Variants in COL24A1 observed in about 807,000 individuals in gnomAD.
The protein encoded by COL24A1 is collagen type XXIV alpha 1 chain.
A neutral mutation model predicts 253.9 loss-of-function variants in COL24A1; 224 were observed. That is an observed-to-expected ratio of 0.88 (90% CI 0.79 to 0.99). COL24A1 has a LOEUF of 0.99. Ranked by LOEUF, COL24A1 falls within the 50% of genes least tolerant of loss-of-function variation. The pLI is 0.00. For synonymous variants in COL24A1, 685 were observed against 673.7 expected (o/e 1.02, Z -0.26); for missense variants, 2,131 against 2,068.5 (o/e 1.03, Z -0.59).
rs192720059 is a variant in COL24A1, at chr1:86,004,177, G to A, written c.2310+12974C>T. ...CCACGAAGAAGGCAACCAGCTACTC[G>A]GTGGCAAATTTCTTACATTGGGCAC... On this transcript the variant is annotated intron_variant, in intron 19 of 59. Transcript: ENST00000370571. 3.5e-4 allele frequency among the ~76,000 whole-genome samples: 53 copies of A among 152,280 alleles called. No homozygotes were observed. In the East Asian group the frequency reaches 7.1e-3, roughly 20 times the overall value.
At chr1:85,905,520 GCTCT>G (rs149844970) in intron 28 of COL24A1, among the ~76,000 whole-genome samples, 37 of 150,150 alleles carry the variant, frequency 2.5e-4, no homozygotes, top group Admixed American at 1.1e-3. Flanking sequence ...AGTAAAGAAG[GCTCT>G]CTCTCTCTCT....
intron 20 of COL24A1, among the ~76,000 whole-genome samples, chr1:85,974,697 T>C (rs1692492745): frequency 6.6e-6 from 1 of 152,150 alleles, no homozygotes; most frequent in Non-Finnish European, 1.5e-5. Flanking sequence ...GGGTTTGTTT[T>C]ATCATCATTG....
intron 28 of COL24A1, among the ~76,000 whole-genome samples, chr1:85,903,791 T>C (rs1684548028): frequency 6.6e-6 from 1 of 152,236 alleles, no homozygotes; most frequent in Non-Finnish European, 1.5e-5. Flanking sequence ...ACATTACTCA[T>C]GTGCCTAACT....
chr1:85,967,652 G>A (rs1405224808), intron 22 of COL24A1, among the ~76,000 whole-genome samples: 4 of 152,126 alleles, frequency 2.6e-5, no homozygotes, highest in East Asian at 1.9e-4. Flanking sequence ...GTCCACAGAC[G>A]AGGTAGCAGG....
rs114461820 is a variant in COL24A1, at chr1:86,035,647, T to C, written c.1951-1724A>G. ...GTGATGAAAATGTTATAAAATCAGA[T>C]ACTGTGATGGCTGCACAATTCTGAA... On this transcript the variant is annotated intron_variant, in intron 12 of 59. Transcript: ENST00000370571. Among the ~76,000 whole-genome samples the C allele has an allele frequency of 5.1e-3, 769 of 152,202 alleles. 11 individuals are homozygous for C. Among genetic ancestry groups the C allele is most frequent in the East Asian group, 0.046 (236 of 5,180 alleles).
Position 86,110,952 on chromosome 1 carries a change from C to T in COL24A1, c.1599+1615G>A, listed in dbSNP as rs192054367. On this transcript the variant is annotated intron_variant, in intron 5 of 59. Transcript: ENST00000370571. ...GTGCCGGCAAGTGGAGTGGGACTGG[C>T]GGGCAGCTCCGACCGTTGCCCCTGC... 2.5e-3 allele frequency among the ~76,000 whole-genome samples: 386 copies of T among 152,292 alleles called. 2 individuals carry two copies. The highest frequency in any genetic ancestry group is 0.018 in the Admixed American group (270 of 15,304).
intron 10 of COL24A1, among the ~76,000 whole-genome samples, chr1:86,053,225 CAGG>C (rs539669276): frequency 9.5e-4 from 144 of 152,026 alleles, no homozygotes; most frequent in South Asian, 2.9e-3. Flanking sequence ...ATATATACAA[CAGG>C]AGTTTTGGTT....
chr1:85,764,040 T>C (rs111394438), intron 53 of COL24A1, among the ~76,000 whole-genome samples: 4 of 152,326 alleles, frequency 2.6e-5, no homozygotes, highest in African/African-American at 9.6e-5. Context: ...TTTCCTAATG[T>C]CATTTCCTTT....
intron 33 of COL24A1, among the ~76,000 whole-genome samples, chr1:85,876,065 T>C (rs989180106): frequency 1.3e-5 from 2 of 151,978 alleles, no homozygotes; most frequent in African/African-American, 4.8e-5. Flanking sequence ...TGTTAAGAAA[T>C]TGGCATTTTA....
intron 50 of COL24A1, 85 bp from the exon 51 acceptor site, chr1:85,783,643 G>T (rs1006672221): frequency 3.2e-6 from 4 of 1,264,436 alleles, no homozygotes; most frequent in East Asian, 2.3e-5. Context: ...ATCAAGAATT[G>T]CTCTTTTAAA....
At chr1:86,102,793 A>G (rs1013042974) in intron 5 of COL24A1, among the ~76,000 whole-genome samples, 5 of 152,154 alleles carry the variant, frequency 3.3e-5, no homozygotes, top group Non-Finnish European at 5.9e-5. Context: ...ATTGTTTTAC[A>G]TCCGATTGTG....
At chr1:85,835,021 G>T (rs1240750616) in intron 43 of COL24A1, among the ~76,000 whole-genome samples, 1 of 152,014 alleles carries the variant, frequency 6.6e-6, no homozygotes, top group Non-Finnish European at 1.5e-5. Flanking sequence ...GTCCATGGGG[G>T]CAGAGACTGT....
intron 31 of COL24A1, among the ~76,000 whole-genome samples, chr1:85,891,116 T>G (rs1170821365): frequency 6.6e-6 from 1 of 151,866 alleles, no homozygotes; most frequent in Admixed American, 6.6e-5. Flanking sequence ...AGCAGCATGA[T>G]CTTGGCTCAC....
chr1:85,747,211 A>C, intron 55 of COL24A1, among the ~76,000 whole-genome samples: 1 of 150,732 alleles, frequency 6.6e-6, no homozygotes, highest in Non-Finnish European at 1.5e-5. Context: ...TCCCAGGTTC[A>C]AGCGATTCTC....
At chr1:86,110,652 A>G (rs1231457297) in intron 5 of COL24A1, among the ~76,000 whole-genome samples, 1 of 152,024 alleles carries the variant, frequency 6.6e-6, no homozygotes, top group Non-Finnish European at 1.5e-5. Flanking sequence ...CCACACTCCC[A>G]GCGGCCCCGG....
chr1:86,067,125 C>G lies in COL24A1; in HGVS notation c.1708-3366G>C, dbSNP rs559416511. On this transcript the variant is annotated intron_variant, in intron 7 of 59. Transcript: ENST00000370571. Reference sequence around the variant, plus strand: ...CTGCACTCTAGCCTGGGTGACAGAGCAAGACTCCATCTCAAAAAAGAAGAA... The same window carrying G: ...CTGCACTCTAGCCTGGGTGACAGAGGAAGACTCCATCTCAAAAAAGAAGAA... Among the ~76,000 whole-genome samples, 17 of 147,474 alleles carry G rather than the reference C, an allele frequency of 1.2e-4. No homozygotes were observed. The East Asian group carries it at 2.6e-3, about 23-fold the overall frequency.
intron 20 of COL24A1, among the ~76,000 whole-genome samples, chr1:85,985,709 T>G (rs1693668222): frequency 1.3e-5 from 2 of 151,640 alleles, no homozygotes; most frequent in Admixed American, 6.6e-5. Context: ...AAGGAGAGAT[T>G]GGGATAAAGG....
At chr1:85,996,035 T>C (rs1412772915) in intron 19 of COL24A1, among the ~76,000 whole-genome samples, 1 of 152,178 alleles carries the variant, frequency 6.6e-6, no homozygotes, top group African/African-American at 2.4e-5. Flanking sequence ...AATACAGTGA[T>C]GGTTTCACAA....
At chr1:85,789,130 T>C (rs1670012050) in intron 47 of COL24A1, among the ~76,000 whole-genome samples, 3 of 152,224 alleles carry the variant, frequency 2.0e-5, no homozygotes, top group Admixed American at 2.0e-4. Context: ...GGGAATAGTA[T>C]TGAATCTATA....
Sources: allele counts gnomAD v4.1 joint callset (sites outside exome capture counted in the v4.1 genomes callset), GRCh38; gene constraint gnomAD v4.1.1; transcripts MANE v1.5; gene names NCBI Gene and HGNC (gene_info 2026-07-23, HGNC 2026-07-21).